SUSD4: variants seen among roughly 807,000 people sequenced by gnomAD.
The protein encoded by SUSD4 is sushi domain-containing protein 4.
A neutral mutation model predicts 50.5 loss-of-function variants in SUSD4; 41 were observed. The observed-to-expected ratio is 0.81, with a 90% confidence interval of 0.63 to 1.05. SUSD4 has a LOEUF of 1.05. Among genes scored for constraint, SUSD4 ranks in the 50% least tolerant of loss-of-function variants. SUSD4 has a pLI of 0.00. For synonymous variants in SUSD4, 257 were observed against 257.3 expected (o/e 1.00, Z 0.01); for missense variants, 580 against 634.7 (o/e 0.91, Z 0.93).
At position 223,223,272 on chromosome 1, in the gene SUSD4, C is replaced by T. The variant is rs1459348596; in HGVS notation, c.1421G>A (p.Ser474Asn). ...ACCATCTGCAATGTCGATGCCTGGG[C>T]TGGTGGATGCCACCTCCTCTGCCGT... ...ASTAEEVAST[S>N]PGIDIADEIP... The change falls in exon 8 of 9, where the codon AGC becomes AAC. Residue 474 changes from serine (S) to asparagine (N), a missense_variant. Ser to Asn is a conservative substitution (Grantham distance 46). Transcript: ENST00000366878. 1 of 1,553,976 alleles carries T rather than the reference C, an allele frequency of 6.4e-7. No homozygotes were observed. The highest frequency in any genetic ancestry group is 8.7e-7 in the Non-Finnish European group (1 of 1,153,242).
At chr1:223,331,857 C>G (rs770265821) in intron 2 of SUSD4, among the ~76,000 whole-genome samples, 7 of 152,170 alleles carry the variant, frequency 4.6e-5, no homozygotes, top group Non-Finnish European at 1.0e-4. Context: ...TAGAAATCAC[C>G]CTGCAAACCC....
rs762845928 is a variant in SUSD4 at position 223,229,205 on chromosome 1, A to G, written c.908T>C (p.Ile303Thr). The G allele has an allele frequency of 1.9e-6, 3 of 1,600,794 alleles. No individual in the cohort carries two copies. Among genetic ancestry groups the G allele is most frequent in the Non-Finnish European group, 1.7e-6 (2 of 1,168,816 alleles). Residue 303 changes from isoleucine to threonine, a missense_variant, in exon 6 of 9, where the codon ATC becomes ACC. Ile to Thr is a moderately conservative substitution (Grantham distance 89, BLOSUM62 -1). Transcript: ENST00000366878. The surrounding 1 kb of genome is among the most constrained non-coding windows in gnomAD (Gnocchi z 4.7). ...GAGGCCTTCAGTCTTACCTGATTTG[A>G]TGCAGTAGACTTGATAAGAAGGAAA... ...EWFPSYQVYC[I>T]KSEQTWPSTH...
chr1:223,362,318 T>C (rs112102226), intron 2 of SUSD4, among the ~76,000 whole-genome samples: 3,475 of 152,330 alleles, frequency 0.023, 129 homozygotes, highest in African/African-American at 0.079. Context: ...AAATGGTTTA[T>C]TTACATCAGT....
chr1:223,270,671 G>T (rs1299775658), intron 3 of SUSD4, among the ~76,000 whole-genome samples: 5 of 152,154 alleles, frequency 3.3e-5, no homozygotes. Flanking sequence ...GCAGGTCCAA[G>T]AAATTATTCT....
chr1:223,302,161 G>T (rs1172621122), intron 2 of SUSD4, among the ~76,000 whole-genome samples: 1 of 152,106 alleles, frequency 6.6e-6, no homozygotes, highest in African/African-American at 2.4e-5. Context: ...CGTAAGATGT[G>T]CCTGCTTCCC....
At chr1:223,362,000 T>G (rs1052716467) in intron 2 of SUSD4, among the ~76,000 whole-genome samples, 3 of 151,940 alleles carry the variant, frequency 2.0e-5, no homozygotes, top group Non-Finnish European at 4.4e-5. Flanking sequence ...CAGAGAAATC[T>G]CTATAAAAAA....
chr1:223,243,256 G>A (rs1470939364), intron 5 of SUSD4, among the ~76,000 whole-genome samples: 1 of 152,198 alleles, frequency 6.6e-6, no homozygotes, highest in East Asian at 1.9e-4. Context: ...TGCCCCACGG[G>A]TTTAAGGAAG....
chr1:223,281,988 C>T (rs1172394273), intron 3 of SUSD4, among the ~76,000 whole-genome samples: 1 of 152,082 alleles, frequency 6.6e-6, no homozygotes, highest in Non-Finnish European at 1.5e-5. Context: ...AGACAAAAAC[C>T]ACATGATTAT....
intron 7 of SUSD4, among the ~76,000 whole-genome samples, chr1:223,226,938 T>C (rs1220660792): frequency 1.3e-5 from 2 of 152,156 alleles, no homozygotes; most frequent in Non-Finnish European, 2.9e-5. Flanking sequence ...GTGGCTCTTC[T>C]TTGTTCCTAA....
chr1:223,268,863 G>A (rs534661683), intron 3 of SUSD4, among the ~76,000 whole-genome samples, 188 bp from the exon 4 acceptor site: 3 of 152,254 alleles, frequency 2.0e-5, no homozygotes, highest in South Asian at 2.1e-4. Context: ...CGGGAGTAAC[G>A]AGAAGGTGGC....
At chr1:223,244,119 C>T (rs1043721947) in intron 5 of SUSD4, among the ~76,000 whole-genome samples, 2 of 152,206 alleles carry the variant, frequency 1.3e-5, no homozygotes, top group Non-Finnish European at 2.9e-5. Context: ...ATCTCACACA[C>T]ACAGGAGTTG....
At chr1:223,223,195 T>C in intron 8 of SUSD4, 54 bp downstream of exon 8, 2 of 1,498,836 alleles carry the variant, frequency 1.3e-6, no homozygotes, top group South Asian at 1.3e-5. Context: ...GGCTTGAAGA[T>C]GCTGGTGCGG....
intron 5 of SUSD4, among the ~76,000 whole-genome samples, chr1:223,254,370 C>T (rs1057274278): frequency 3.3e-5 from 5 of 151,968 alleles, no homozygotes; most frequent in Admixed American, 3.3e-4. Context: ...TCTGCACTTA[C>T]ACGGGATTAA....
At chr1:223,342,954 G>T (rs370367033) in intron 2 of SUSD4, among the ~76,000 whole-genome samples, 4 of 152,056 alleles carry the variant, frequency 2.6e-5, no homozygotes, top group African/African-American at 9.7e-5. Flanking sequence ...TATGTGAAAG[G>T]TCAAATATTT....
At chr1:223,276,803 G>A (rs1431229192) in intron 3 of SUSD4, among the ~76,000 whole-genome samples, 1 of 152,122 alleles carries the variant, frequency 6.6e-6, no homozygotes, top group African/African-American at 2.4e-5. Flanking sequence ...TATCTTGGGG[G>A]AAGACATGCA....
chr1:223,346,241 A>AAACC (rs1250469976), intron 2 of SUSD4, among the ~76,000 whole-genome samples: 1 of 152,024 alleles, frequency 6.6e-6, no homozygotes, highest in Non-Finnish European at 1.5e-5. Context: ...TTGAGAACCA[A>AAACC]AACCCTAACG....
intron 2 of SUSD4, among the ~76,000 whole-genome samples, chr1:223,362,397 C>T (rs1156446805): frequency 6.6e-6 from 1 of 152,132 alleles, no homozygotes; most frequent in Non-Finnish European, 1.5e-5. Flanking sequence ...TTTTAACGTC[C>T]ACATCAGCAA....
At chr1:223,305,220 G>T (rs1475463004) in intron 2 of SUSD4, among the ~76,000 whole-genome samples, 1 of 152,074 alleles carries the variant, frequency 6.6e-6, no homozygotes, top group Non-Finnish European at 1.5e-5. Context: ...TCTGGCCTTT[G>T]TTCTAAGAGA....
chr1:223,241,915 G>A (rs116449550), intron 5 of SUSD4, among the ~76,000 whole-genome samples: 1,709 of 152,166 alleles, frequency 0.011, 16 homozygotes, highest in Non-Finnish European at 0.018. Context: ...TCCCCTTTAC[G>A]GTGGCCTGGG....
Sources: gnomAD v4.1 joint callset for allele counts (sites outside exome capture counted in the v4.1 genomes callset) on GRCh38, gnomAD v4.1.1 for gene constraint, Gnocchi (gnomAD v3.1) non-coding constraint, MANE v1.5 for transcripts, NCBI Gene and HGNC (gene_info 2026-07-23, HGNC 2026-07-21) for gene names.